Variants in DNAJC1 observed in about 807,000 individuals in gnomAD.
DNAJC1 encodes the protein DnaJ heat shock protein family (Hsp40) member C1, also known as dnaJ homolog subfamily C member 1.
Under a neutral mutation model 76.6 loss-of-function variants are expected in DNAJC1, and 58 were observed. The ratio of observed to expected loss-of-function variants is 0.76; its 90% confidence interval spans 0.61 to 0.94. The LOEUF is 0.94. Ranked by LOEUF, DNAJC1 falls within the 40% of genes least tolerant of loss-of-function variation. DNAJC1 has a pLI of 0.00. For synonymous variants in DNAJC1, 258 were observed against 267.9 expected, an observed-to-expected ratio of 0.96 and a Z score of 0.36; for missense variants, 689 against 677.3, an observed-to-expected ratio of 1.02 and a Z score of -0.19.
intron 10 of DNAJC1, among the ~76,000 whole-genome samples, chr10:21,762,797 C>T (rs547961970): frequency 5.3e-5 from 8 of 152,260 alleles, no homozygotes; most frequent in Admixed American, 4.6e-4. Flanking sequence ...AATGAGTTCA[C>T]TTTGTTTGAA....
intron 1 of DNAJC1, among the ~76,000 whole-genome samples, chr10:21,973,800 C>A (rs1424014666): frequency 1.3e-5 from 2 of 151,710 alleles, no homozygotes; most frequent in African/African-American, 4.8e-5. Flanking sequence ...GAAAGTTTCT[C>A]TAGCTTGAAA....
Position 21,920,819 on chromosome 10 carries a change from T to G in DNAJC1, c.516A>C (p.Ser172=). 1 of 1,611,210 alleles carries G rather than the reference T, an allele frequency of 6.2e-7. No individual in the cohort carries two copies. Among genetic ancestry groups the G allele is most frequent in the Non-Finnish European group, 8.5e-7 (1 of 1,178,236 alleles). The change falls in exon 4 of 12, where the codon TCA becomes TCC. Residue 172 remains serine, a synonymous_variant. Transcript: ENST00000376980. ...LTVGHYAVVW[S]IYLEKQLDEL... ...TTACCAGTTGTTTTTCCAGGTAGATTGACCAAACCACAGCATAATGACCCA... is the reference window on the plus strand; with the variant it reads ...TTACCAGTTGTTTTTCCAGGTAGATGGACCAAACCACAGCATAATGACCCA...
At chr10:21,983,210 A>G (rs1183364226) in intron 1 of DNAJC1, among the ~76,000 whole-genome samples, 1 of 152,198 alleles carries the variant, frequency 6.6e-6, no homozygotes, top group African/African-American at 2.4e-5. Flanking sequence ...TGAAAACCTA[A>G]ATGTCCAAAA....
intron 9 of DNAJC1, among the ~76,000 whole-genome samples, chr10:21,797,782 C>T (rs574909425): frequency 1.1e-4 from 17 of 152,180 alleles, no homozygotes; most frequent in African/African-American, 4.1e-4. Flanking sequence ...AGTGGGATGA[C>T]GCAGCAAGAA....
At position 21,979,811 on chromosome 10, in the gene DNAJC1, C is replaced by T. The variant is rs550254537; in HGVS notation, c.222+23402G>A. Among the ~76,000 whole-genome samples the T allele has an allele frequency of 2.0e-5, 3 of 151,878 alleles. No individual in the cohort carries two copies. The South Asian group carries it at 6.2e-4, about 32-fold the overall frequency. ...CAAGCTTCTCTTTCTTACCTACCCACAGCAAACTTTGTTCCAGGCCTTTGA... is the reference window on the plus strand; with the variant it reads ...CAAGCTTCTCTTTCTTACCTACCCATAGCAAACTTTGTTCCAGGCCTTTGA... On this transcript the variant is annotated intron_variant, in intron 1 of 11. Coordinates refer to ENST00000376980, the MANE Select transcript of DNAJC1 (RefSeq NM_022365.4).
At chr10:21,906,009 A>G (rs571370250) in intron 6 of DNAJC1, among the ~76,000 whole-genome samples, 2 of 152,290 alleles carry the variant, frequency 1.3e-5, no homozygotes, top group South Asian at 4.1e-4. Context: ...CTTTTCGTCT[A>G]CGACTGTGTC....
At chr10:22,002,475 A>AG (rs1838534892) in intron 1 of DNAJC1, among the ~76,000 whole-genome samples, 1 of 152,142 alleles carries the variant, frequency 6.6e-6, no homozygotes, top group African/African-American at 2.4e-5. Flanking sequence ...CAAAAGGAAA[A>AG]GGGGAAAAAA....
chr10:21,877,172 G>A (rs886509685), intron 8 of DNAJC1, among the ~76,000 whole-genome samples: 5 of 152,066 alleles, frequency 3.3e-5, no homozygotes, highest in African/African-American at 1.2e-4. Context: ...TACTCAGGAG[G>A]TTGAGGTGTG....
At chr10:21,998,414 T>C (rs1413601484) in intron 1 of DNAJC1, among the ~76,000 whole-genome samples, 1 of 108,620 alleles carries the variant, frequency 9.2e-6, no homozygotes, top group Admixed American at 8.9e-5. Flanking sequence ...AAAAAAGAAA[T>C]ACAGAATTGC....
At chr10:21,776,742 T>C (rs896695714) in intron 9 of DNAJC1, among the ~76,000 whole-genome samples, 3 of 152,228 alleles carry the variant, frequency 2.0e-5, no homozygotes, top group African/African-American at 7.2e-5. Context: ...ATGATAATAA[T>C]GTTCATCTTA....
intron 1 of DNAJC1, among the ~76,000 whole-genome samples, chr10:21,969,551 T>C (rs1837945409): frequency 6.6e-6 from 1 of 152,204 alleles, no homozygotes; most frequent in African/African-American, 2.4e-5. Context: ...TAGCAATTCC[T>C]TAGCCAGTTG....
At chr10:21,890,120 G>C (rs1004579018) in intron 7 of DNAJC1, among the ~76,000 whole-genome samples, 1 of 151,988 alleles carries the variant, frequency 6.6e-6, no homozygotes, top group Non-Finnish European at 1.5e-5. Flanking sequence ...GGTTACAGAG[G>C]AAGTCTAGTG....
intron 1 of DNAJC1, among the ~76,000 whole-genome samples, chr10:21,993,019 A>G (rs1838351415): frequency 6.6e-6 from 1 of 152,160 alleles, no homozygotes; most frequent in South Asian, 2.1e-4. Context: ...TTTTGTTTCT[A>G]CGAGAGCTAA....
intron 1 of DNAJC1, among the ~76,000 whole-genome samples, chr10:21,972,539 TAATTTA>T (rs1837998252): frequency 1.3e-5 from 2 of 152,056 alleles, no homozygotes. Context: ...AACATGCAAT[TAATTTA>T]AATAAGAAAA....
At chr10:21,836,709 C>G (rs987994947) in intron 8 of DNAJC1, among the ~76,000 whole-genome samples, 1 of 151,984 alleles carries the variant, frequency 6.6e-6, no homozygotes, top group Non-Finnish European at 1.5e-5. Flanking sequence ...TTTAAACCAA[C>G]AAAGATCAAA....
In DNAJC1 at chr10:21,761,115, G is replaced by A. The variant is rs139954657; in HGVS notation, c.1148-1497C>T. Among the ~76,000 whole-genome samples, 1,438 of 152,336 alleles carry A rather than the reference G, an allele frequency of 9.4e-3. 13 individuals are homozygous for A. Among genetic ancestry groups the A allele is most frequent in the Non-Finnish European group, 0.016 (1,070 of 68,026 alleles). Reference sequence around the variant, plus strand: ...AAATCGCTTGAACCCAGGAGGCAGAGGCTGCAGTGAGCCAAGACTGTGCCA... The same window carrying A: ...AAATCGCTTGAACCCAGGAGGCAGAAGCTGCAGTGAGCCAAGACTGTGCCA... On this transcript the variant is annotated intron_variant, in intron 10 of 11. Coordinates refer to ENST00000376980, the MANE Select transcript of DNAJC1 (RefSeq NM_022365.4).
chr10:21,853,866 C>A (rs1303270357), intron 8 of DNAJC1, among the ~76,000 whole-genome samples: 2 of 149,652 alleles, frequency 1.3e-5, no homozygotes, highest in African/African-American at 4.9e-5. Context: ...TGAATCTAAT[C>A]CAGTGTCAAA....
chr10:21,772,541 T>C (rs1250222932), intron 9 of DNAJC1, among the ~76,000 whole-genome samples: 4 of 152,156 alleles, frequency 2.6e-5, no homozygotes, highest in African/African-American at 9.7e-5. Context: ...CACGATTGTA[T>C]TCCTTTATAA....
chr10:21,784,885 C>A (rs1834584622), intron 9 of DNAJC1, among the ~76,000 whole-genome samples: 1 of 151,706 alleles, frequency 6.6e-6, no homozygotes, highest in Non-Finnish European at 1.5e-5. Context: ...GAACATCACA[C>A]ACCGGGGCCT....
Sources: allele counts gnomAD v4.1 joint callset (sites outside exome capture counted in the v4.1 genomes callset), GRCh38; gene constraint gnomAD v4.1.1; transcripts MANE v1.5; gene names NCBI Gene and HGNC (gene_info 2026-07-23, HGNC 2026-07-21).